The following UMAD1 variants were observed in gnomAD, a reference collection of about 807,000 sequenced individuals.
UMAD1 encodes UBAP1-MVB12-associated (UMA) domain containing 1, also known as UBAP1-MVB12-associated (UMA)-domain containing protein 1.
In UMAD1, 8 loss-of-function variants were observed where a neutral mutation model predicts 6.1. That is an observed-to-expected ratio of 1.30 (90% CI 0.76 to 2.35). The LOEUF (loss-of-function observed/expected upper bound fraction) is 2.35, where lower values mean the gene tolerates loss of function less well. UMAD1 is among the 30% of genes most tolerant of loss of function. UMAD1 has a pLI of 0.00. For synonymous variants in UMAD1, 56 were observed against 31.4 expected (o/e 1.78, Z -2.61); for missense variants, 130 against 78.4 (o/e 1.66, Z -2.49).
At chr7:7,753,384 G>A (rs1204114103) in intron 2 of UMAD1, among the ~76,000 whole-genome samples, 1 of 151,812 alleles carries the variant, frequency 6.6e-6, no homozygotes, top group Non-Finnish European at 1.5e-5. Context: ...ATTATTTTTG[G>A]CACCCATTAA....
chr7:7,863,735 A>G (rs1563269574), intron 3 of UMAD1, among the ~76,000 whole-genome samples: 3 of 152,242 alleles, frequency 2.0e-5, no homozygotes. Flanking sequence ...AACAAGATAC[A>G]TAAAGCTGTG....
chr7:7,807,036 G>C (rs1046753658), intron 3 of UMAD1, among the ~76,000 whole-genome samples: 1 of 152,124 alleles, frequency 6.6e-6, no homozygotes, highest in Non-Finnish European at 1.5e-5. Flanking sequence ...GATTGTGTTA[G>C]ACATGGTGGT....
intron 2 of UMAD1, among the ~76,000 whole-genome samples, chr7:7,754,501 T>C (rs899571402): frequency 1.3e-5 from 2 of 152,228 alleles, no homozygotes; most frequent in Admixed American, 6.5e-5. Context: ...TATATACTGG[T>C]TATTAATCCC....
intron 2 of UMAD1, among the ~76,000 whole-genome samples, chr7:7,754,998 G>A (rs113226054): frequency 7.9e-5 from 12 of 152,154 alleles, no homozygotes; most frequent in African/African-American, 2.9e-4. Context: ...AGCTGCTGGG[G>A]TGATTCTTTT....
chr7:7,778,159 T>C (rs1325145588), intron 2 of UMAD1, among the ~76,000 whole-genome samples: 1 of 151,754 alleles, frequency 6.6e-6, no homozygotes, highest in South Asian at 2.1e-4. Flanking sequence ...ATATGACAAA[T>C]AGGTGGAGTA....
intron 2 of UMAD1, among the ~76,000 whole-genome samples, chr7:7,760,471 T>C (rs1313715253): frequency 6.6e-6 from 1 of 150,762 alleles, no homozygotes; most frequent in Non-Finnish European, 1.5e-5. Flanking sequence ...GAGTTATAAG[T>C]AGTTTATTAT....
intron 2 of UMAD1, among the ~76,000 whole-genome samples, chr7:7,691,032 A>G (rs1780161553): frequency 6.6e-6 from 1 of 152,188 alleles, no homozygotes; most frequent in Non-Finnish European, 1.5e-5. Context: ...AGAGCTCAGC[A>G]TGGTACAAAC....
intron 2 of UMAD1, among the ~76,000 whole-genome samples, chr7:7,779,700 A>G (rs371620191): frequency 6.6e-6 from 1 of 152,086 alleles, no homozygotes; most frequent in Non-Finnish European, 1.5e-5. Flanking sequence ...GCTGAAGTGC[A>G]GTGGCACAAT....
chr7:7,803,452 C>T (rs1319925370), intron 3 of UMAD1, among the ~76,000 whole-genome samples: 1 of 152,086 alleles, frequency 6.6e-6, no homozygotes, highest in Non-Finnish European at 1.5e-5. Context: ...GAGTGCTGGC[C>T]ATAAGTAGCA....
intron 2 of UMAD1, among the ~76,000 whole-genome samples, chr7:7,787,256 T>C (rs569561781): frequency 6.7e-6 from 1 of 148,994 alleles, no homozygotes; most frequent in South Asian, 2.2e-4. Flanking sequence ...ATAAACCATA[T>C]ATGATTTTCA....
intron 3 of UMAD1, among the ~76,000 whole-genome samples, chr7:7,817,300 T>C (rs1158406353): frequency 6.6e-6 from 1 of 152,198 alleles, no homozygotes; most frequent in Non-Finnish European, 1.5e-5. Flanking sequence ...TCGGGTTGAC[T>C]CATCATTGTT....
intron 3 of UMAD1, among the ~76,000 whole-genome samples, chr7:7,803,666 C>G (rs1371034611): frequency 1.3e-5 from 2 of 150,912 alleles, no homozygotes; most frequent in Non-Finnish European, 2.9e-5. Flanking sequence ...AGGCCAAGGT[C>G]AAGGTGCTGG....
intron 3 of UMAD1, among the ~76,000 whole-genome samples, chr7:7,814,802 T>A (rs922712239): frequency 1.3e-5 from 2 of 152,154 alleles, no homozygotes; most frequent in African/African-American, 4.8e-5. Flanking sequence ...GTCTCTCCCA[T>A]GCCTCAGGTG....
chr7:7,726,453 C>G (rs1001481889), intron 2 of UMAD1, among the ~76,000 whole-genome samples: 2 of 152,218 alleles, frequency 1.3e-5, no homozygotes, highest in Non-Finnish European at 2.9e-5. Context: ...GGCATAATTA[C>G]AACGCCAATT....
chr7:7,799,662 G>A (rs1782760335), intron 2 of UMAD1, among the ~76,000 whole-genome samples: 2 of 152,178 alleles, frequency 1.3e-5, no homozygotes, highest in Admixed American at 1.3e-4. Context: ...CGTTGACCTT[G>A]TTGTACAGAC....
intron 2 of UMAD1, among the ~76,000 whole-genome samples, chr7:7,778,623 C>G (rs1382817143): frequency 6.6e-6 from 1 of 151,862 alleles, no homozygotes. Context: ...GCTCTGTTGC[C>G]CAAAGTAGTT....
intron 1 of UMAD1, among the ~76,000 whole-genome samples, chr7:7,643,092 GT>G (rs1362196092): frequency 6.6e-6 from 1 of 152,134 alleles, no homozygotes; most frequent in Non-Finnish European, 1.5e-5. Context: ...TTGGGGGATG[GT>G]TTGGCAATTA....
chr7:7,718,039 A>G (rs1780960732), intron 2 of UMAD1, among the ~76,000 whole-genome samples: 1 of 152,174 alleles, frequency 6.6e-6, no homozygotes. Context: ...ATGATTTTTA[A>G]TTTTAGCAGT....
Position 7,665,055 on chromosome 7 carries a change from C to A in UMAD1, c.-63-8254C>A. ...TTCATACACATGTATTTACATTATT[C>A]TGTCTATAGACAGTAGCTGCATCAA... On this transcript the variant is annotated intron_variant, in intron 1 of 3. Transcript: ENST00000682710. 1.3e-5 allele frequency among the ~76,000 whole-genome samples: 2 copies of A among 152,100 alleles called. 1 individual carries two copies. The highest frequency in any genetic ancestry group is 4.1e-4 in the South Asian group (2 of 4,826).
Sources: gnomAD v4.1 joint callset for allele counts (sites outside exome capture counted in the v4.1 genomes callset) on GRCh38, gnomAD v4.1.1 for gene constraint, MANE v1.5 for transcripts, NCBI Gene and HGNC (gene_info 2026-07-23, HGNC 2026-07-21) for gene names.